The following SYNE1 variants were observed in gnomAD, a reference collection of about 807,000 sequenced individuals.
SYNE1 encodes nesprin-1.
SYNE1 carries 616 observed loss-of-function variants against 1,111.0 expected under a neutral mutation model. The ratio of observed to expected loss-of-function variants is 0.55; its 90% CI spans 0.52 to 0.59. SYNE1 has a LOEUF of 0.59. Among genes scored for constraint, SYNE1 ranks in the 20% least tolerant of loss-of-function variants. The pLI is 0.00. For synonymous variants in SYNE1, 3,855 were observed against 3,825.8 expected (o/e 1.01, Z -0.28); for missense variants, 10,006 against 10,417.0 (o/e 0.96, Z 1.72).
chr6:152,342,240 T>C (rs2096548401), intron 74 of SYNE1, among the ~76,000 whole-genome samples: 2 of 152,368 alleles, frequency 1.3e-5, no homozygotes, highest in Non-Finnish European at 2.9e-5. Flanking sequence ...CTGCCATTAA[T>C]ACTTTCTTCT....
chr6:152,367,444 CAGTT>C (rs780976058), intron 61 of SYNE1, 62 bp from the exon 62 acceptor site: 11 of 1,599,976 alleles, frequency 6.9e-6, no homozygotes, highest in Non-Finnish European at 9.4e-6. Flanking sequence ...GCAAAGCTAA[CAGTT>C]TGTTTGAAAC....
chr6:152,429,026 C>A (rs183676797), intron 36 of SYNE1, among the ~76,000 whole-genome samples: 64 of 151,296 alleles, frequency 4.2e-4, no homozygotes, highest in Admixed American at 4.2e-3. Context: ...ATGCTATAAT[C>A]ACTCCAAAAA....
intron 91 of SYNE1, among the ~76,000 whole-genome samples, chr6:152,308,030 A>T (rs535465018): frequency 6.6e-6 from 1 of 152,190 alleles, no homozygotes; most frequent in East Asian, 1.9e-4. Flanking sequence ...ACGGGGTTTC[A>T]CCATGTTGTC....
In SYNE1 at chr6:152,262,085, T is replaced by A; in HGVS notation, c.18919A>T (p.Ser6307Cys). 1 of 1,613,930 alleles carries A rather than the reference T, an allele frequency of 6.2e-7. No homozygotes were observed. Among genetic ancestry groups the A allele is most frequent in the Non-Finnish European group, 8.5e-7 (1 of 1,179,960 alleles). The change falls in exon 101 of 146, where the codon AGT becomes TGT. Residue 6307 changes from serine (S) to cysteine (C), a missense_variant. Ser to Cys is a moderately radical substitution (Grantham distance 112). This residue lies in a region of SYNE1 where 2,182 missense variants were observed against 2,287.8 expected (regional missense o/e 0.95). Transcript: ENST00000367255. ...TTCTGTAGTAGTTTCTGCTTGGTAC[T>A]AAATTCTTGATGTAGGCTTTCCCAT... ...MKWESLHQEF[S>C]TKQKLLQNVL...
At chr6:152,586,495 T>C (rs1407864448) in intron 3 of SYNE1, among the ~76,000 whole-genome samples, 1 of 152,160 alleles carries the variant, frequency 6.6e-6, no homozygotes, top group Admixed American at 6.6e-5. Context: ...AGTCATACAT[T>C]GATAATATAT....
At chr6:152,450,545 ATTTC>A (rs1446906437) in intron 27 of SYNE1, 76 bp downstream of exon 27, 1 of 1,212,598 alleles carries the variant, frequency 8.2e-7, no homozygotes, top group Non-Finnish European at 1.2e-6. Flanking sequence ...GAAATAAGTT[ATTTC>A]TTGTTTTGTC....
At chr6:152,178,278 C>A (rs942787524) in intron 129 of SYNE1, among the ~76,000 whole-genome samples, 2 of 151,964 alleles carry the variant, frequency 1.3e-5, no homozygotes. Flanking sequence ...CAAACTTAAT[C>A]AAAATTTATT....
chr6:152,444,724 G>A, intron 29 of SYNE1, 146 bp from the exon 30 acceptor site: 1 of 741,916 alleles, frequency 1.3e-6, no homozygotes. Context: ...CTCCACATCA[G>A]GCTAATTAGC....
At chr6:152,130,963 T>C (rs1467472812) in intron 144 of SYNE1, among the ~76,000 whole-genome samples, 185 bp from the exon 145 acceptor site, 1 of 152,244 alleles carries the variant, frequency 6.6e-6, no homozygotes, top group Non-Finnish European at 1.5e-5. Context: ...AATTTATATC[T>C]ATGTGATTAG....
At chr6:152,153,313 A>G (rs556145031) in intron 133 of SYNE1, among the ~76,000 whole-genome samples, 1 of 152,280 alleles carries the variant, frequency 6.6e-6, no homozygotes, top group African/African-American at 2.4e-5. Flanking sequence ...CCACTGGGGT[A>G]AGGTTGGAGT....
chr6:152,411,570 G>T (rs2098043219), intron 42 of SYNE1, among the ~76,000 whole-genome samples: 1 of 152,046 alleles, frequency 6.6e-6, no homozygotes, highest in Non-Finnish European at 1.5e-5. Flanking sequence ...TATTTAAAAA[G>T]ACATACAGAT....
chr6:152,349,454 T>C (rs558088199), intron 72 of SYNE1, among the ~76,000 whole-genome samples: 5 of 152,200 alleles, frequency 3.3e-5, no homozygotes, highest in Non-Finnish European at 7.3e-5. Context: ...CTAAGTTGTC[T>C]CTCCAGGAAG....
At position 152,409,154 on chromosome 6, in the gene SYNE1, A is replaced by G. The variant is rs775515954; in HGVS notation, c.6454T>C (p.Leu2152=). The G allele has an allele frequency of 1.2e-6, 2 of 1,614,144 alleles. No individual in the cohort carries two copies. Among genetic ancestry groups the G allele is most frequent in the South Asian group, 2.2e-5 (2 of 91,080 alleles). ...LDNFTSKGKH[L]LSELKKIHSS... ...TGAATTTTCTTCAGCTCAGATAACA[A>G]GTGTTTTCCTTTGCTGGTAAAGTTA... Residue 2152 remains leucine (L), a synonymous_variant, in exon 44 of 146, where the codon TTG becomes CTG. Coordinates refer to ENST00000367255, the MANE Select transcript of SYNE1 (RefSeq NM_182961.4).
At chr6:152,612,275 TAAG>T (rs1286546127) in intron 3 of SYNE1, among the ~76,000 whole-genome samples, 75 of 151,734 alleles carry the variant, frequency 4.9e-4, no homozygotes, top group Non-Finnish European at 3.4e-4. Flanking sequence ...AGAAAAGAGA[TAAG>T]AATCAAACAG....
chr6:152,390,572 C>A, intron 52 of SYNE1, 120 bp from the exon 53 acceptor site: 1 of 1,026,954 alleles, frequency 9.7e-7, no homozygotes, highest in Non-Finnish European at 1.4e-6. Context: ...AAAATGAAAA[C>A]AACAAACTCT....
In SYNE1 at chr6:152,355,755, A is replaced by G. The variant is rs542090114; in HGVS notation, c.10609-779T>C. Reference sequence around the variant, plus strand: ...ACTTGATCTGATCACCCAAAGTAAAATAAATCAAGTCAAATCCCATCAACA... The same window carrying G: ...ACTTGATCTGATCACCCAAAGTAAAGTAAATCAAGTCAAATCCCATCAACA... On this transcript the variant is annotated intron_variant, in intron 66 of 145. Transcript: ENST00000367255. Among the ~76,000 whole-genome samples, 18 of 152,338 alleles carry G rather than the reference A, an allele frequency of 1.2e-4. No homozygotes were observed. In the East Asian group the frequency reaches 3.3e-3, roughly 28 times the overall value.
intron 39 of SYNE1, among the ~76,000 whole-genome samples, chr6:152,425,066 G>A (rs1315626865): frequency 6.6e-6 from 1 of 152,056 alleles, no homozygotes; most frequent in Non-Finnish European, 1.5e-5. Flanking sequence ...AAAATTTTAG[G>A]TACCATTTTT....
chr6:152,387,427 C>A (rs2097540700), intron 53 of SYNE1, 46 bp from the exon 54 acceptor site: 2 of 1,589,158 alleles, frequency 1.3e-6, no homozygotes, highest in African/African-American at 1.3e-5. Context: ...ATTTTGACAT[C>A]TCTACTGAAA....
At chr6:152,503,573 T>C (rs2099041577) in intron 9 of SYNE1, among the ~76,000 whole-genome samples, 1 of 152,148 alleles carries the variant, frequency 6.6e-6, no homozygotes, top group African/African-American at 2.4e-5. Context: ...TACAGAGCAA[T>C]TTATAGAGCA....
Sources: gnomAD v4.1 joint callset for allele counts (sites outside exome capture counted in the v4.1 genomes callset) on GRCh38, gnomAD v4.1.1 for gene constraint, gnomAD v4.1.1 regional missense constraint, MANE v1.5 for transcripts, NCBI Gene and HGNC (gene_info 2026-07-23, HGNC 2026-07-21) for gene names.